The following SHISA6 variants were observed in gnomAD, a reference collection of about 807,000 sequenced individuals.
The protein encoded by SHISA6 is shisa family member 6, also known as protein shisa-6.
In SHISA6, 22 loss-of-function variants were observed where a neutral mutation model predicts 47.9. That is an observed-to-expected ratio of 0.46 (90% CI 0.33 to 0.66). The LOEUF is 0.66. Ranked by LOEUF, SHISA6 falls within the 30% of genes least tolerant of loss-of-function variation. The pLI is 0.02. For missense variants in SHISA6, 680 were observed against 764.6 expected (o/e 0.89, Z 1.30); for synonymous variants, 388 against 337.8 (o/e 1.15, Z -1.63).
intron 3 of SHISA6, among the ~76,000 whole-genome samples, chr17:11,386,596 C>T (rs976088497): frequency 6.6e-6 from 1 of 152,052 alleles, no homozygotes; most frequent in African/African-American, 2.4e-5. Flanking sequence ...GTCCATTTAT[C>T]TGCAGATAGG....
chr17:11,311,291 A>AT (rs1380760887), intron 2 of SHISA6, among the ~76,000 whole-genome samples: 1 of 143,094 alleles, frequency 7.0e-6, no homozygotes, highest in East Asian at 2.1e-4. Flanking sequence ...AAAAAAAAAA[A>AT]AAAAAAAAAC....
intron 3 of SHISA6, among the ~76,000 whole-genome samples, chr17:11,434,464 C>T (rs960671967): frequency 1.3e-5 from 2 of 152,204 alleles, no homozygotes; most frequent in African/African-American, 2.4e-5. Context: ...AATACCAGTG[C>T]ACGCTGTCCT....
intron 2 of SHISA6, among the ~76,000 whole-genome samples, chr17:11,278,077 G>T (rs1046928673): frequency 6.6e-6 from 1 of 152,092 alleles, no homozygotes; most frequent in South Asian, 2.1e-4. Flanking sequence ...ACCACAAACC[G>T]TTGGTATTAA....
At chr17:11,401,809 CTTG>C (rs2142264737) in intron 3 of SHISA6, among the ~76,000 whole-genome samples, 1 of 152,318 alleles carries the variant, frequency 6.6e-6, no homozygotes, top group South Asian at 2.1e-4. Flanking sequence ...TGCAACCTCC[CTTG>C]TTGACACAAT....
chr17:11,484,631 T>A (rs1163417010), intron 3 of SHISA6, among the ~76,000 whole-genome samples: 1 of 152,148 alleles, frequency 6.6e-6, no homozygotes, highest in Non-Finnish European at 1.5e-5. Context: ...ACTCCTGACC[T>A]CAAGTGATCC....
intron 3 of SHISA6, among the ~76,000 whole-genome samples, chr17:11,394,358 TA>T (rs1913494270): frequency 6.6e-6 from 1 of 152,238 alleles, no homozygotes. Flanking sequence ...TTTTCATTTC[TA>T]ATATTCCAGG....
chr17:11,554,068 G>T (rs537296449), intron 4 of SHISA6, among the ~76,000 whole-genome samples: 3 of 152,312 alleles, frequency 2.0e-5, no homozygotes, highest in Admixed American at 2.0e-4. Context: ...GCATTTGGAA[G>T]TGGGTGAGCT....
intron 3 of SHISA6, among the ~76,000 whole-genome samples, chr17:11,475,621 G>C (rs1424852967): frequency 6.6e-6 from 1 of 151,800 alleles, no homozygotes; most frequent in Non-Finnish European, 1.5e-5. Flanking sequence ...GCATACCTGG[G>C]GTATATCCCA....
chr17:11,467,068 C>G (rs1915826557), intron 3 of SHISA6, among the ~76,000 whole-genome samples: 1 of 152,188 alleles, frequency 6.6e-6, no homozygotes, highest in African/African-American at 2.4e-5. Context: ...TTAACATGGA[C>G]TATCCCTCTC....
At chr17:11,488,357 A>G (rs1487201369) in intron 3 of SHISA6, among the ~76,000 whole-genome samples, 1 of 152,078 alleles carries the variant, frequency 6.6e-6, no homozygotes, top group Non-Finnish European at 1.5e-5. Flanking sequence ...CTGAAACCCA[A>G]AGAGGTGAGA....
intron 3 of SHISA6, among the ~76,000 whole-genome samples, chr17:11,538,854 A>C (rs1382262859): frequency 6.6e-6 from 1 of 152,150 alleles, no homozygotes; most frequent in Non-Finnish European, 1.5e-5. Context: ...TATCATAGCA[A>C]TTCTGGAGTG....
In SHISA6 at chr17:11,503,278, G is replaced by A. The variant is rs1032318454; in HGVS notation, c.896-48618G>A. ...GCAGTTCTTACCATGCAGAGGTGAC[G>A]TCCTTTGCCTATTATCTGCCTGCGA... On this transcript the variant is annotated intron_variant, in intron 3 of 5. Coordinates refer to ENST00000441885, the MANE Select transcript of SHISA6 (RefSeq NM_207386.4). Among the ~76,000 whole-genome samples, 7 of 152,156 alleles carry A rather than the reference G, an allele frequency of 4.6e-5. No homozygotes were observed. The East Asian group carries it at 7.8e-4, about 17-fold the overall frequency.
Position 11,241,460 on chromosome 17 carries a change from C to A in SHISA6, c.38C>A (p.Ser13Ter). ...LRRLLLLLLL[S>*]LESLDLLPSV... The stretch of plus-strand genomic sequence containing the variant: ...CGCCTCCTGCTGCTGCTGCTGCTCT[C>A]GCTGGAGTCCCTGGACCTGCTGCCC... The change falls in exon 1 of 6, where the codon TCG becomes TAG. Residue 13 changes from serine to a stop codon, truncating the protein, a stop_gained. Transcript: ENST00000441885. LOFTEE classifies it high-confidence loss of function. The surrounding 1 kb of genome is among the most constrained non-coding windows in gnomAD (Gnocchi z 5.5). 8.2e-7 allele frequency: 1 copy of A among 1,212,914 alleles called. No homozygotes were observed. Among genetic ancestry groups the A allele is most frequent in the Non-Finnish European group, 1.0e-6 (1 of 957,794 alleles). 75.1% of individuals were successfully genotyped at this position (1,212,914 alleles called of 1,614,324 possible).
At chr17:11,475,521 G>A (rs1323039732) in intron 3 of SHISA6, among the ~76,000 whole-genome samples, 1 of 152,038 alleles carries the variant, frequency 6.6e-6, no homozygotes, top group Non-Finnish European at 1.5e-5. Context: ...TGCTTTTTCT[G>A]CATCTATTGA....
chr17:11,407,710 A>G (rs1029352657), intron 3 of SHISA6, among the ~76,000 whole-genome samples: 6 of 152,100 alleles, frequency 3.9e-5, no homozygotes, highest in African/African-American at 1.4e-4. Flanking sequence ...TTCTGAGTCT[A>G]AGACTCCTAT....
intron 3 of SHISA6, among the ~76,000 whole-genome samples, chr17:11,466,838 AC>A (rs1304871628): frequency 6.6e-6 from 1 of 151,866 alleles, no homozygotes; most frequent in African/African-American, 2.4e-5. Context: ...TTCAGAGACC[AC>A]CCCCTGTAAC....
At chr17:11,322,738 G>A (rs1910754314) in intron 2 of SHISA6, among the ~76,000 whole-genome samples, 1 of 152,158 alleles carries the variant, frequency 6.6e-6, no homozygotes, top group Non-Finnish European at 1.5e-5. Flanking sequence ...GGGTTGATCT[G>A]AATGTGAAAT....
intron 3 of SHISA6, among the ~76,000 whole-genome samples, chr17:11,504,296 A>G (rs1207182704): frequency 1.3e-5 from 2 of 152,136 alleles, no homozygotes; most frequent in Admixed American, 1.3e-4. Context: ...ACTGTTTGTT[A>G]GTATCCGTGA....
intron 3 of SHISA6, among the ~76,000 whole-genome samples, chr17:11,401,618 G>T (rs1056453594): frequency 6.6e-6 from 1 of 152,174 alleles, no homozygotes; most frequent in Non-Finnish European, 1.5e-5. Flanking sequence ...ACAATAGTAG[G>T]CTACACTGGA....
Sources: gnomAD v4.1 joint callset for allele counts (sites outside exome capture counted in the v4.1 genomes callset) on GRCh38, gnomAD v4.1.1 for gene constraint, Gnocchi (gnomAD v3.1) non-coding constraint, MANE v1.5 for transcripts, NCBI Gene and HGNC (gene_info 2026-07-23, HGNC 2026-07-21) for gene names.